The following SEMA3A variants were observed in gnomAD, a reference collection of about 807,000 sequenced individuals.
SEMA3A encodes semaphorin 3A.
In SEMA3A, 29 loss-of-function variants were observed where a neutral mutation model predicts 97.9. The observed-to-expected ratio is 0.30, with a 90% CI of 0.22 to 0.40. SEMA3A has a LOEUF of 0.40. Ranked by LOEUF, SEMA3A falls within the 10% of genes least tolerant of loss-of-function variation. SEMA3A has a pLI of 1.00. For synonymous variants in SEMA3A, 321 were observed against 323.7 expected, an observed-to-expected ratio of 0.99 and a Z score of 0.09; for missense variants, 763 against 951.3, an observed-to-expected ratio of 0.80 and a Z score of 2.60.
chr7:84,044,374 G>C (rs935195985), intron 6 of SEMA3A, among the ~76,000 whole-genome samples: 3 of 151,950 alleles, frequency 2.0e-5, no homozygotes, highest in African/African-American at 7.2e-5. Flanking sequence ...TCTATCCCTG[G>C]TGGCAGAGGA....
chr7:84,291,092 T>G (rs1054841865), intron 3 of SEMA3A, among the ~76,000 whole-genome samples: 1 of 152,080 alleles, frequency 6.6e-6, no homozygotes, highest in African/African-American at 2.4e-5. Context: ...CAATCATAAA[T>G]TATTCTCAAT....
intron 3 of SEMA3A, among the ~76,000 whole-genome samples, chr7:84,249,993 ATAT>A (rs1799568781): frequency 6.6e-6 from 1 of 151,840 alleles, no homozygotes; most frequent in African/African-American, 2.4e-5. Context: ...AACGTATGAA[ATAT>A]TATTACCACA....
Position 84,433,069 on chromosome 7 carries a change from T to TTTA in SEMA3A, c.-246+59388_-246+59390dup, listed in dbSNP as rs201217953. On this transcript the variant is annotated intron_variant, in intron 1 of 3. Transcript: ENST00000424555. ...GCCTCTCTATCACCTGTTATTTGAC[T>TTTA]TTATTATTATTATTATTATTATTAT... Among the ~76,000 whole-genome samples the TTTA allele has an allele frequency of 4.2e-3, 628 of 150,462 alleles. 4 individuals are homozygous for TTTA. Among genetic ancestry groups the TTTA allele is most frequent in the East Asian group, 0.013 (66 of 5,124 alleles).
chr7:84,084,939 G>A (rs143134798), intron 4 of SEMA3A, among the ~76,000 whole-genome samples: 83 of 152,074 alleles, frequency 5.5e-4, no homozygotes, highest in African/African-American at 1.8e-3. Flanking sequence ...GGGAAAAATG[G>A]AAAACTTAGC....
At chr7:84,254,338 AC>A (rs1329850919) in intron 3 of SEMA3A, among the ~76,000 whole-genome samples, 2 of 152,186 alleles carry the variant, frequency 1.3e-5, no homozygotes, top group African/African-American at 4.8e-5. Flanking sequence ...CATGGGAAAA[AC>A]AAAACAAAAC....
chr7:84,254,742 T>C (rs1799679318), intron 3 of SEMA3A, among the ~76,000 whole-genome samples: 2 of 152,176 alleles, frequency 1.3e-5, no homozygotes. Context: ...GATATGGAAT[T>C]ACCTATAACC....
intron 2 of SEMA3A, among the ~76,000 whole-genome samples, chr7:84,313,645 A>C (rs1165871825): frequency 6.6e-6 from 1 of 151,618 alleles, no homozygotes; most frequent in Non-Finnish European, 1.5e-5. Context: ...TTTTGAGAAT[A>C]TCAGCTTGAT....
At chr7:84,338,558 T>C (rs1802090981) in intron 2 of SEMA3A, among the ~76,000 whole-genome samples, 1 of 152,158 alleles carries the variant, frequency 6.6e-6, no homozygotes, top group Admixed American at 6.6e-5. Flanking sequence ...TTACTTATAA[T>C]ACTCCAGGAT....
At chr7:84,241,580 T>TTTTGTTTGTGTTTTG (rs1478067319) in intron 3 of SEMA3A, among the ~76,000 whole-genome samples, 1 of 151,276 alleles carries the variant, frequency 6.6e-6, no homozygotes, top group African/African-American at 2.4e-5. Flanking sequence ...ATGATAGTTT[T>TTTTGTTTGTGTTTTG]TTTGTTTGTG....
chr7:84,464,219 A>ACAT (rs1404912059), intron 1 of SEMA3A, among the ~76,000 whole-genome samples: 1 of 152,220 alleles, frequency 6.6e-6, no homozygotes, highest in Non-Finnish European at 1.5e-5. Flanking sequence ...AATGCTAGCC[A>ACAT]TATTTTTTCA....
In SEMA3A at chr7:84,103,141, G is replaced by A. The variant is rs77648842; in HGVS notation, c.453+7329C>T. Reference sequence around the variant, plus strand: ...ATAGTCCTAGTACCCAGAAGCTACAGTCATTGCGGTGGGCAAATACACTTT... The same window carrying A: ...ATAGTCCTAGTACCCAGAAGCTACAATCATTGCGGTGGGCAAATACACTTT... On this transcript the variant is annotated intron_variant, in intron 4 of 16. Transcript: ENST00000265362. 1.3e-3 allele frequency among the ~76,000 whole-genome samples: 199 copies of A among 152,234 alleles called. 1 individual carries two copies. In the East Asian group the frequency reaches 0.017, roughly 13 times the overall value.
rs141213957 is a variant in SEMA3A at position 84,146,646 on chromosome 7, A to T, written c.113-11695T>A. ...CAAGTAAATGTCATAATGTGGACAA[A>T]AATGGATAATTCAAACGTGCATTGC... On this transcript the variant is annotated intron_variant, in intron 1 of 16. Transcript: ENST00000265362. 6.3e-3 allele frequency among the ~76,000 whole-genome samples: 958 copies of T among 152,328 alleles called. 9 individuals are homozygous for T. Among genetic ancestry groups the T allele is most frequent in the Middle Eastern group, 0.027 (8 of 294 alleles).
At chr7:83,986,944 C>A (rs1789656297) in intron 12 of SEMA3A, among the ~76,000 whole-genome samples, 1 of 146,870 alleles carries the variant, frequency 6.8e-6, no homozygotes, top group Non-Finnish European at 1.5e-5. Context: ...ATCTCTCTTT[C>A]CTCTCTTCTC....
chr7:84,149,038 T>C (rs1453439619), intron 1 of SEMA3A, among the ~76,000 whole-genome samples: 4 of 152,120 alleles, frequency 2.6e-5, no homozygotes, highest in Non-Finnish European at 4.4e-5. Context: ...AAAGGGTTGA[T>C]TCTTCCAACC....
At chr7:84,264,089 GATAGTAT>G (rs2115673050) in intron 3 of SEMA3A, among the ~76,000 whole-genome samples, 1 of 152,034 alleles carries the variant, frequency 6.6e-6, no homozygotes, top group African/African-American at 2.4e-5. Context: ...TACTGTTTAC[GATAGTAT>G]ATATATTTTT....
At chr7:84,125,819 G>C (rs1795776333) in intron 3 of SEMA3A, among the ~76,000 whole-genome samples, 1 of 152,168 alleles carries the variant, frequency 6.6e-6, no homozygotes, top group Non-Finnish European at 1.5e-5. Flanking sequence ...TGCTATCTCA[G>C]CCATTGAATG....
intron 4 of SEMA3A, among the ~76,000 whole-genome samples, chr7:84,063,190 A>G (rs960622167): frequency 2.6e-5 from 4 of 151,632 alleles, no homozygotes; most frequent in African/African-American, 9.7e-5. Flanking sequence ...GTATTCCAAC[A>G]GACCTGCAGC....
intron 1 of SEMA3A, among the ~76,000 whole-genome samples, chr7:84,490,464 A>G (rs1210554093): frequency 2.0e-5 from 3 of 152,148 alleles, no homozygotes; most frequent in African/African-American, 4.8e-5. Context: ...TTATCCATAC[A>G]GTGCCTTTTA....
chr7:84,082,144 C>G (rs1250729541), intron 4 of SEMA3A, among the ~76,000 whole-genome samples: 1 of 152,134 alleles, frequency 6.6e-6, no homozygotes, highest in Admixed American at 6.5e-5. Context: ...CTGTCTGACT[C>G]ATGGTTTTGC....
Sources: allele counts gnomAD v4.1 joint callset (sites outside exome capture counted in the v4.1 genomes callset), GRCh38; gene constraint gnomAD v4.1.1; transcripts MANE v1.5; gene names NCBI Gene and HGNC (gene_info 2026-07-23, HGNC 2026-07-21).